Variants in RECQL5 observed in about 807,000 individuals in gnomAD.
The protein encoded by RECQL5 is RecQ like helicase 5.
In RECQL5, 88 loss-of-function variants were observed where a neutral mutation model predicts 103.4. The observed-to-expected ratio is 0.85, with a 90% confidence interval of 0.72 to 1.02. The LOEUF is 1.02. Ranked by LOEUF, RECQL5 falls within the 50% of genes least tolerant of loss-of-function variation. RECQL5 has a pLI of 0.00. For missense variants in RECQL5, 1,232 were observed against 1,284.3 expected (o/e 0.96, Z 0.62); for synonymous variants, 552 against 507.9 (o/e 1.09, Z -1.17).
At chr17:75,647,374 C>A in intron 8 of RECQL5, 1 of 1,547,102 alleles carries the variant, frequency 6.5e-7, no homozygotes. Flanking sequence ...TTTCCAGATT[C>A]TCATGGACCA....
chr17:75,645,367 T>G (rs2059477056), intron 8 of RECQL5, among the ~76,000 whole-genome samples: 1 of 152,216 alleles, frequency 6.6e-6, no homozygotes. Flanking sequence ...TGCTGCTGGA[T>G]TCAAACTCCA....
rs1485309555 is a variant in RECQL5 at position 75,662,888 on chromosome 17, G to A, written c.362C>T (p.Pro121Leu). 5 of 1,613,990 alleles carry A rather than the reference G, an allele frequency of 3.1e-6. No individual in the cohort carries two copies. The African/African-American group carries it at 4.0e-5, about 13-fold the overall frequency. Residue 121 changes from proline to leucine, a missense_variant, in exon 4 of 20, where the codon CCC becomes CTC. Coordinates refer to ENST00000317905, the MANE Select transcript of RECQL5 (RefSeq NM_004259.7). ...GGTGATGTACAGAATCTTGGTCTGG[G>A]GCTTTTCTCGCTCCAGGTCAGCAAG... The part of the protein sequence containing the change: ...ELLADLEREK[P>L]QTKILYITPE...
chr17:75,661,521 T>C, intron 5 of RECQL5, 85 bp downstream of exon 5: 2 of 914,808 alleles, frequency 2.2e-6, no homozygotes, highest in Non-Finnish European at 3.5e-6. Flanking sequence ...GTGGGTCACC[T>C]GATAACCAGG....
At position 75,628,290 on chromosome 17, in the gene RECQL5, G is replaced by C. The variant is rs763003576; in HGVS notation, c.2733C>G (p.Ser911=). The C allele has an allele frequency of 8.7e-6, 14 of 1,614,200 alleles. No homozygotes were observed. Among genetic ancestry groups the C allele is most frequent in the Non-Finnish European group, 1.1e-5 (13 of 1,180,038 alleles). Residue 911 remains serine (S), a synonymous_variant, in exon 18 of 20, where the codon TCC becomes TCG. Coordinates refer to ENST00000317905, the MANE Select transcript of RECQL5 (RefSeq NM_004259.7). Reference sequence around the variant, plus strand: ...CCACAACATTTGCAGCCTCCTTCAAGGAGACGCCAGGAGCGGAGAGCTGGA... The same window carrying C: ...CCACAACATTTGCAGCCTCCTTCAACGAGACGCCAGGAGCGGAGAGCTGGA... ...DPFQLSAPGV[S]LKEAANVVVK...
chr17:75,655,333 A>G (rs2059604234), intron 7 of RECQL5, among the ~76,000 whole-genome samples: 1 of 150,934 alleles, frequency 6.6e-6, no homozygotes, highest in Admixed American at 6.6e-5. Flanking sequence ...GGCCTCCCAA[A>G]GTGCTGGGAT....
rs2059712802 is a variant in RECQL5 at position 75,662,493 on chromosome 17, C to A, written c.757G>T (p.Glu253Ter). ...KDFCLKALGQ[E>*]ADKGLSGCGI... ...CAATGCCTCACCCCTTTATCAGCCT[C>A]CTGTCCAAGAGCCTTAAGGCAGAAG... Residue 253 changes from glutamate (E) to a stop codon, truncating the protein, a stop_gained, in exon 4 of 20, where the codon GAG becomes TAG. Transcript: ENST00000317905. LOFTEE classifies it high-confidence loss of function. The A allele has an allele frequency of 6.2e-7, 1 of 1,613,294 alleles. No homozygotes were observed. Among genetic ancestry groups the A allele is most frequent in the African/African-American group, 1.3e-5 (1 of 74,892 alleles).
Position 75,627,659 on chromosome 17 carries a change from G to A in RECQL5, c.2839C>T (p.His947Tyr). 1 of 1,611,668 alleles carries A rather than the reference G, an allele frequency of 6.2e-7. No individual in the cohort carries two copies. The highest frequency in any genetic ancestry group is 8.5e-7 in the Non-Finnish European group (1 of 1,178,902). ...GGAGAGGTCTTCTGAGTCAGCAAGTGTGAGAGGTGGCGGGCAAAGCCTTTA... is the reference window on the plus strand; with the variant it reads ...GGAGAGGTCTTCTGAGTCAGCAAGTATGAGAGGTGGCGGGCAAAGCCTTTA... ...LFKGFARHLS[H>Y]LLTQKTSPGR... The change falls in exon 19 of 20, where the codon CAC (histidine) becomes TAC (tyrosine). Residue 947 changes from histidine (H) to tyrosine (Y), a missense_variant. His to Tyr is a moderately conservative substitution (Grantham distance 83). Transcript: ENST00000317905.
chr17:75,628,320 G>C lies in RECQL5; in HGVS notation c.2703C>G (p.Asp901Glu). Residue 901 changes from aspartate to glutamate, a missense_variant, in exon 18 of 20, where the codon GAC becomes GAG. By Grantham distance (45) the Asp-to-Glu change is conservative (BLOSUM62 2). Coordinates refer to ENST00000317905, the MANE Select transcript of RECQL5 (RefSeq NM_004259.7). ...EQGTLNPTAQ[D>E]PFQLSAPGVS... Reference sequence around the variant, plus strand: ...CGCCAGGAGCGGAGAGCTGGAAGGGGTCTTGAGCCGTGGGATTCAAGGTGC... The same window carrying C: ...CGCCAGGAGCGGAGAGCTGGAAGGGCTCTTGAGCCGTGGGATTCAAGGTGC... 1 of 1,614,152 alleles carries C rather than the reference G, an allele frequency of 6.2e-7. No homozygotes were observed. Among genetic ancestry groups the C allele is most frequent in the Non-Finnish European group, 8.5e-7 (1 of 1,180,032 alleles).
chr17:75,655,375 T>G (rs571223208), intron 7 of RECQL5, among the ~76,000 whole-genome samples: 23 of 151,458 alleles, frequency 1.5e-4, no homozygotes, highest in African/African-American at 5.3e-4. Flanking sequence ...CTGGCCTTTT[T>G]TTTTTTGAGA....
intron 7 of RECQL5, among the ~76,000 whole-genome samples, 159 bp from the exon 8 acceptor site, chr17:75,651,424 C>G (rs1026461347): frequency 6.6e-6 from 1 of 152,044 alleles, no homozygotes; most frequent in Non-Finnish European, 1.5e-5. Context: ...GAGTTCGAGA[C>G]CAGCCTGACC....
chr17:75,631,340 A>G, intron 9 of RECQL5, 91 bp from the exon 10 acceptor site: 1 of 1,536,326 alleles, frequency 6.5e-7, no homozygotes, highest in Admixed American at 1.7e-5. Context: ...CTGATGTCCT[A>G]CCAGCTCAAG....
chr17:75,640,285 G>T lies in RECQL5; in HGVS notation c.1230-8617C>A. On this transcript the variant is annotated intron_variant, in intron 8 of 19. Coordinates refer to ENST00000317905, the MANE Select transcript of RECQL5 (RefSeq NM_004259.7). This position sits in a 1 kb window ranked among gnomAD's most constrained non-coding sequence, Gnocchi z 4.6. ...AGCTGCAGAGACTGCCCCAGGCTGA[G>T]CCCGTGGAGATCGTGGCCTTCTCAG... The T allele has an allele frequency of 6.4e-7, 1 of 1,551,464 alleles. No homozygotes were observed. The highest frequency in any genetic ancestry group is 8.7e-7 in the Non-Finnish European group (1 of 1,146,876).
At chr17:75,659,745 G>A (rs2059674462) in intron 6 of RECQL5, among the ~76,000 whole-genome samples, 1 of 152,222 alleles carries the variant, frequency 6.6e-6, no homozygotes, top group South Asian at 2.1e-4. Flanking sequence ...GGGTCACTGT[G>A]AGGTTCACGA....
chr17:75,664,054 C>CAAAAAAAA (rs34569441), intron 3 of RECQL5, among the ~76,000 whole-genome samples: 1 of 105,684 alleles, frequency 9.5e-6, no homozygotes, highest in Non-Finnish European at 1.9e-5. Context: ...AACTCCATCT[C>CAAAAAAAA]AAAAAAAAAA....
At chr17:75,663,051 C>T (rs1329210960) in intron 3 of RECQL5, 54 bp from the exon 4 acceptor site, 9 of 1,504,696 alleles carry the variant, frequency 6.0e-6, no homozygotes, top group Non-Finnish European at 8.0e-6. Flanking sequence ...GTAAACATCA[C>T]TGCAAGTCCC....
At chr17:75,635,721 A>C (rs1033341235) in intron 8 of RECQL5, 45 of 879,256 alleles carry the variant, frequency 5.1e-5, no homozygotes, top group Middle Eastern at 1.2e-3. Flanking sequence ...AATGCCCAAC[A>C]GGGCAAGGGT....
intron 8 of RECQL5, chr17:75,641,408 C>G (rs1239467906): frequency 6.4e-6 from 1 of 155,730 alleles, no homozygotes; most frequent in African/African-American, 2.4e-5. Context: ...TTACGTGTTT[C>G]TGCGGTGCCG....
chr17:75,631,475 G>A lies in RECQL5; in HGVS notation c.1423C>T (p.Arg475Cys), dbSNP rs370397932. 8.7e-5 allele frequency: 140 copies of A among 1,611,774 alleles called. No individual in the cohort carries two copies. Among genetic ancestry groups the A allele is most frequent in the Middle Eastern group, 1.6e-4 (1 of 6,078 alleles). ...CTGCTGAAGTCCCCGTAGCCCTTGC[G>A]GCCTCCCTCATACAGCTCGGGGTCA... ...GFDPELYEGG[R>C]KGYGDFSRYD... Residue 475 changes from arginine (R) to cysteine (C), a missense_variant, in exon 9 of 20, where the codon CGC becomes TGC. Physicochemically the swap from Arg to Cys is radical, Grantham distance 180 (BLOSUM62 -3). Transcript: ENST00000317905.
intron 6 of RECQL5, among the ~76,000 whole-genome samples, chr17:75,659,034 A>T (rs2148335122): frequency 6.6e-6 from 1 of 152,232 alleles, no homozygotes; most frequent in South Asian, 2.1e-4. Flanking sequence ...CCACAGACCC[A>T]GGATTCATTT....
Sources: allele counts gnomAD v4.1 joint callset (sites outside exome capture counted in the v4.1 genomes callset), GRCh38; gene constraint gnomAD v4.1.1; non-coding constraint Gnocchi (gnomAD v3.1); transcripts MANE v1.5; gene names NCBI Gene and HGNC (gene_info 2026-07-23, HGNC 2026-07-21).